Variants in EPHB1 observed in about 807,000 individuals in gnomAD.
The protein encoded by EPHB1 is ephrin type-B receptor 1.
In EPHB1, 30 loss-of-function variants were observed where a neutral mutation model predicts 94.4. That is an observed-to-expected ratio of 0.32 (90% CI 0.24 to 0.43). The LOEUF (loss-of-function observed/expected upper bound fraction) is 0.43, where lower values mean the gene tolerates loss of function less well. EPHB1 is among the 20% of genes least tolerant of loss of function. The pLI is 1.00. For missense variants in EPHB1, 1,055 were observed against 1,308.3 expected (o/e 0.81, Z 2.99); for synonymous variants, 522 against 489.1 (o/e 1.07, Z -0.89).
rs1423207213 is a variant in EPHB1, at chr3:135,117,629, G to A, written c.961+11026G>A. 5.9e-5 allele frequency among the ~76,000 whole-genome samples: 9 copies of A among 152,350 alleles called. No homozygotes were observed. The East Asian group carries it at 1.7e-3, about 29-fold the overall frequency. On this transcript the variant is annotated intron_variant, in intron 4 of 15. Coordinates refer to ENST00000398015, the MANE Select transcript of EPHB1 (RefSeq NM_004441.5). ...GAGGCTGAAGGATAGAGAACTAGAG[G>A]CTAGTTGAACACTAAGGTCAATCTG...
At chr3:134,894,136 C>T (rs917197589) in intron 1 of EPHB1, among the ~76,000 whole-genome samples, 1 of 152,226 alleles carries the variant, frequency 6.6e-6, no homozygotes, top group African/African-American at 2.4e-5. Flanking sequence ...AGAGCACCAT[C>T]CCGTCTTCCA....
intron 15 of EPHB1, among the ~76,000 whole-genome samples, chr3:135,251,457 T>TAATC (rs149920508): frequency 0.023 from 3,489 of 152,216 alleles, 133 homozygotes; most frequent in African/African-American, 0.078. Context: ...AGTCTGAGAA[T>TAATC]AATCAATGAC....
chr3:135,228,707 A>C (rs1276890630), intron 12 of EPHB1, among the ~76,000 whole-genome samples: 1 of 152,082 alleles, frequency 6.6e-6, no homozygotes, highest in Non-Finnish European at 1.5e-5. Context: ...TATATCCCAG[A>C]GCTCACTGAG....
At chr3:134,927,997 C>G (rs1413735855) in intron 2 of EPHB1, among the ~76,000 whole-genome samples, 1 of 152,226 alleles carries the variant, frequency 6.6e-6, no homozygotes, top group African/African-American at 2.4e-5. Context: ...TCTTCCAGGA[C>G]AGTACCCTCC....
In EPHB1 at chr3:135,245,543, C is replaced by T. The variant is rs543678721; in HGVS notation, c.2497-2773C>T. 6.9e-4 allele frequency among the ~76,000 whole-genome samples: 102 copies of T among 147,452 alleles called. 1 individual carries two copies. The South Asian group carries it at 0.01, about 15-fold the overall frequency. The stretch of plus-strand genomic sequence containing the variant: ...AAAAAAAAAAAAAAAAAAATCGGCC[C>T]GTGCCTGTAATCCCAGCACTTTGGG... On this transcript the variant is annotated intron_variant, in intron 13 of 15. Transcript: ENST00000398015.
At chr3:135,117,023 A>G (rs1404553298) in intron 4 of EPHB1, among the ~76,000 whole-genome samples, 1 of 152,102 alleles carries the variant, frequency 6.6e-6, no homozygotes, top group Non-Finnish European at 1.5e-5. Flanking sequence ...AGTGTCTTTG[A>G]CTCTGATCAG....
chr3:135,215,374 GCTGGTCTCAAACTCC>G (rs1209647072), intron 12 of EPHB1, among the ~76,000 whole-genome samples: 1 of 151,922 alleles, frequency 6.6e-6, no homozygotes, highest in Non-Finnish European at 1.5e-5. Flanking sequence ...TGTTGGTCAG[GCTGGTCTCAAACTCC>G]CGACCTCAGG....
intron 1 of EPHB1, among the ~76,000 whole-genome samples, chr3:134,840,244 G>A (rs2036751549): frequency 6.6e-6 from 1 of 152,142 alleles, no homozygotes; most frequent in African/African-American, 2.4e-5. Flanking sequence ...TAATGTTTGT[G>A]GTTGACCTAC....
At chr3:135,097,179 T>A (rs533278635) in intron 3 of EPHB1, among the ~76,000 whole-genome samples, 1 of 148,094 alleles carries the variant, frequency 6.8e-6, no homozygotes, top group African/African-American at 2.5e-5. Context: ...TTTTTTTTTT[T>A]TTTTTTTTGA....
At chr3:135,083,542 A>G (rs1445571432) in intron 3 of EPHB1, among the ~76,000 whole-genome samples, 2 of 151,862 alleles carry the variant, frequency 1.3e-5, no homozygotes, top group Non-Finnish European at 2.9e-5. Context: ...TGAAGGCATT[A>G]GGGCAAGGCT....
intron 3 of EPHB1, among the ~76,000 whole-genome samples, chr3:135,048,984 A>G: frequency 6.6e-6 from 1 of 152,220 alleles, no homozygotes; most frequent in East Asian, 1.9e-4. Context: ...TTACAGCCTC[A>G]GAAGTGGGCT....
chr3:134,804,887 T>C (rs953639925), intron 1 of EPHB1, among the ~76,000 whole-genome samples: 8 of 152,176 alleles, frequency 5.3e-5, no homozygotes, highest in Non-Finnish European at 1.0e-4. Flanking sequence ...CCAGTCACCC[T>C]TGGAGCCGTG....
intron 1 of EPHB1, among the ~76,000 whole-genome samples, chr3:134,860,162 CACACACACAG>C (rs2037220621): frequency 7.5e-6 from 1 of 133,014 alleles, no homozygotes; most frequent in African/African-American, 3.3e-5. Flanking sequence ...CACACACACA[CACACACACAG>C]ACACACACAC....
intron 4 of EPHB1, among the ~76,000 whole-genome samples, chr3:135,122,298 T>C (rs561026270): frequency 6.6e-6 from 1 of 152,250 alleles, no homozygotes; most frequent in African/African-American, 2.4e-5. Context: ...TCAGCCCCAG[T>C]TTTTTCTTTG....
chr3:135,195,607 A>G (rs1388062189), intron 11 of EPHB1, among the ~76,000 whole-genome samples: 3 of 147,190 alleles, frequency 2.0e-5, no homozygotes, highest in African/African-American at 7.8e-5. Flanking sequence ...TTCTCCCGAT[A>G]GTTTACTGAG....
At chr3:134,982,588 G>T (rs188814368) in intron 3 of EPHB1, among the ~76,000 whole-genome samples, 5 of 152,180 alleles carry the variant, frequency 3.3e-5, no homozygotes, top group African/African-American at 7.2e-5. Context: ...TTACGCTGAA[G>T]AGGTTCTTCA....
intron 1 of EPHB1, among the ~76,000 whole-genome samples, chr3:134,842,268 C>T (rs3732570): frequency 6.6e-5 from 10 of 152,270 alleles, no homozygotes; most frequent in East Asian, 3.9e-4. Flanking sequence ...TTCTCAGCCT[C>T]GAGAACTGTG....
intron 1 of EPHB1, among the ~76,000 whole-genome samples, chr3:134,819,689 C>T (rs959470032): frequency 6.6e-6 from 1 of 152,232 alleles, no homozygotes; most frequent in Non-Finnish European, 1.5e-5. Context: ...TGTGCCTCCC[C>T]AGGCTGCTCA....
intron 3 of EPHB1, 78 bp from the exon 4 acceptor site, chr3:135,106,370 A>C (rs1479139930): frequency 6.5e-7 from 1 of 1,531,824 alleles, no homozygotes; most frequent in Non-Finnish European, 9.0e-7. Context: ...AGAGGAAGAC[A>C]CTCCTTTTCC....
Sources: gnomAD v4.1 joint callset for allele counts (sites outside exome capture counted in the v4.1 genomes callset) on GRCh38, gnomAD v4.1.1 for gene constraint, MANE v1.5 for transcripts, NCBI Gene and HGNC (gene_info 2026-07-23, HGNC 2026-07-21) for gene names.